Variants in ATP9A observed in about 807,000 individuals in gnomAD.
ATP9A encodes probable phospholipid-transporting ATPase IIA.
In ATP9A, 52 loss-of-function variants were observed where a neutral mutation model predicts 144.1. The ratio of observed to expected loss-of-function variants is 0.36; its 90% CI spans 0.29 to 0.45. The LOEUF (loss-of-function observed/expected upper bound fraction) is 0.45, where lower values mean the gene tolerates loss of function less well. Ranked by LOEUF, ATP9A falls within the 20% of genes least tolerant of loss-of-function variation. ATP9A has a pLI of 1.00. For missense variants in ATP9A, 947 were observed against 1,392.7 expected (o/e 0.68, Z 5.09); for synonymous variants, 582 against 557.4 (o/e 1.04, Z -0.62).
At chr20:51,654,054 A>T (rs1456077187) in intron 14 of ATP9A, among the ~76,000 whole-genome samples, 1 of 152,158 alleles carries the variant, frequency 6.6e-6, no homozygotes, top group Non-Finnish European at 1.5e-5. Flanking sequence ...ACTATGGCAC[A>T]AGTCCAAGTA....
chr20:51,657,382 G>T (rs1422999534), intron 13 of ATP9A, among the ~76,000 whole-genome samples: 3 of 151,974 alleles, frequency 2.0e-5, no homozygotes, highest in African/African-American at 7.2e-5. Context: ...ACAATTTAAT[G>T]AACGAGAACG....
At chr20:51,659,268 G>A (rs938639067) in intron 13 of ATP9A, among the ~76,000 whole-genome samples, 3 of 152,154 alleles carry the variant, frequency 2.0e-5, no homozygotes, top group South Asian at 2.1e-4. Context: ...TCTCTTCATT[G>A]TCTAAATTGG....
intron 1 of ATP9A, among the ~76,000 whole-genome samples, chr20:51,762,158 A>G (rs565945332): frequency 2.0e-5 from 3 of 152,274 alleles, no homozygotes; most frequent in South Asian, 2.1e-4. Context: ...TGAGGTCAGG[A>G]GTTCAAGGCC....
At chr20:51,755,484 T>G (rs1349999739) in intron 1 of ATP9A, among the ~76,000 whole-genome samples, 1 of 151,918 alleles carries the variant, frequency 6.6e-6, no homozygotes, top group Non-Finnish European at 1.5e-5. Context: ...CCTATCAGAA[T>G]GGCTGAAACA....
At chr20:51,652,977 GCGT>G (rs2077373058) in intron 14 of ATP9A, among the ~76,000 whole-genome samples, 3 of 151,960 alleles carry the variant, frequency 2.0e-5, no homozygotes, top group Non-Finnish European at 2.9e-5. Flanking sequence ...GGGCGTGGCA[GCGT>G]GTGCCTGTAG....
intron 13 of ATP9A, among the ~76,000 whole-genome samples, chr20:51,661,565 T>C (rs1160069222): frequency 7.0e-6 from 1 of 143,514 alleles, no homozygotes; most frequent in East Asian, 2.0e-4. Flanking sequence ...AGACAAGGTC[T>C]CCCTCTTATT....
At position 51,694,884 on chromosome 20, in the gene ATP9A, AAAG is replaced by A. The variant is rs1485442743; in HGVS notation, c.548-785_548-783del. 6.6e-5 allele frequency among the ~76,000 whole-genome samples: 10 copies of A among 152,314 alleles called. No homozygotes were observed. In the East Asian group the frequency reaches 1.9e-3, roughly 29 times the overall value. ...TTGTTTGTTTGTTTTTTCAAGAAAA[AAAG>A]AGCATGTCAGGGGCCCTACTCCATA... On this transcript the variant is annotated intron_variant, in intron 6 of 27. Coordinates refer to ENST00000338821, the MANE Select transcript of ATP9A (RefSeq NM_006045.3).
At chr20:51,686,971 A>G (rs536397796) in intron 9 of ATP9A, among the ~76,000 whole-genome samples, 1 of 152,146 alleles carries the variant, frequency 6.6e-6, no homozygotes, top group African/African-American at 2.4e-5. Flanking sequence ...AAAGAAACAA[A>G]AGAGACAGAT....
intron 10 of ATP9A, among the ~76,000 whole-genome samples, chr20:51,675,818 T>G (rs547034232): frequency 6.7e-6 from 1 of 148,910 alleles, no homozygotes; most frequent in African/African-American, 2.5e-5. Flanking sequence ...AGGCAGAGGT[T>G]ACAGTGAGCC....
At chr20:51,756,777 T>C (rs1473184504) in intron 1 of ATP9A, among the ~76,000 whole-genome samples, 3 of 152,218 alleles carry the variant, frequency 2.0e-5, no homozygotes, top group Non-Finnish European at 4.4e-5. Flanking sequence ...GATCCACGTC[T>C]GCAACATTTC....
chr20:51,681,488 T>A lies in ATP9A; in HGVS notation c.800-5280A>T, dbSNP rs1410628064. ...CCAGGCTGGAGTGCAGTGGTGCAAT[T>A]TCGGCTCATTACAACCTCCGCCTCC... On this transcript the variant is annotated intron_variant, in intron 9 of 27. Coordinates refer to ENST00000338821, the MANE Select transcript of ATP9A (RefSeq NM_006045.3). Among the ~76,000 whole-genome samples, 6 of 148,224 alleles carry A rather than the reference T, an allele frequency of 4.0e-5. No individual in the cohort carries two copies. In the East Asian group the frequency reaches 1.2e-3, roughly 29 times the overall value.
intron 9 of ATP9A, among the ~76,000 whole-genome samples, chr20:51,686,365 T>A (rs1412801749): frequency 3.4e-5 from 5 of 145,632 alleles, no homozygotes; most frequent in African/African-American, 2.5e-5. Context: ...AAAGTATAAT[T>A]AAAAAAAAAA....
chr20:51,710,240 T>C (rs763680931), intron 4 of ATP9A, among the ~76,000 whole-genome samples: 1 of 151,858 alleles, frequency 6.6e-6, no homozygotes, highest in Non-Finnish European at 1.5e-5. Context: ...GAGGTGGAGG[T>C]TGCAGCGAGC....
At position 51,697,235 on chromosome 20, in the gene ATP9A, TTGTGTGTG is replaced by T. The variant is rs750334118; in HGVS notation, c.495+181_495+188del. Among the ~76,000 whole-genome samples the T allele has an allele frequency of 1.4e-3, 201 of 139,804 alleles. 1 individual carries two copies. The highest frequency in any genetic ancestry group is 2.3e-3 in the Admixed American group (30 of 13,140). 91.7% of individuals were successfully genotyped at this position (139,804 alleles called of 152,430 possible). ...ACGCATATAAACCTTGAAAAAATAT[TTGTGTGTG>T]TGTGTGTCTGTGTGTGTGTGTGTCT... On this transcript the variant is annotated intron_variant, in intron 5 of 27. Transcript: ENST00000338821.
chr20:51,680,130 C>T (rs113108435), intron 9 of ATP9A, among the ~76,000 whole-genome samples: 4,566 of 150,950 alleles, frequency 0.03, 98 homozygotes, highest in Middle Eastern at 0.048. Context: ...CTGGGGAGGC[C>T]GACGCAGAAG....
At chr20:51,727,817 G>T (rs918045520) in intron 2 of ATP9A, among the ~76,000 whole-genome samples, 4 of 151,742 alleles carry the variant, frequency 2.6e-5, no homozygotes, top group African/African-American at 9.7e-5. Flanking sequence ...TGTAATCCCA[G>T]CTACTCAGGA....
intron 17 of ATP9A, 41 bp downstream of exon 17, chr20:51,627,559 T>C (rs2426317): frequency 0.81 from 1,254,621 of 1,554,998 alleles, 509,839 homozygotes; most frequent in Non-Finnish European, 0.83. Flanking sequence ...GGGAGGCAGG[T>C]GGGGCTGCAA....
intron 4 of ATP9A, among the ~76,000 whole-genome samples, chr20:51,704,020 A>G (rs1354346020): frequency 6.6e-6 from 1 of 152,172 alleles, no homozygotes; most frequent in Admixed American, 6.5e-5. Flanking sequence ...GACCCAGCAG[A>G]GTTCAGAGGT....
At chr20:51,645,713 A>G (rs1242143257) in intron 14 of ATP9A, among the ~76,000 whole-genome samples, 1 of 152,182 alleles carries the variant, frequency 6.6e-6, no homozygotes, top group Admixed American at 6.5e-5. Flanking sequence ...AGTCCTACTC[A>G]GGGAGGACCA....
Sources: gnomAD v4.1 joint callset for allele counts (sites outside exome capture counted in the v4.1 genomes callset) on GRCh38, gnomAD v4.1.1 for gene constraint, MANE v1.5 for transcripts, NCBI Gene and HGNC (gene_info 2026-07-23, HGNC 2026-07-21) for gene names.